Variants in MIS18A observed in about 807,000 individuals in gnomAD.
The protein encoded by MIS18A is protein Mis18-alpha.
Under a neutral mutation model 25.0 loss-of-function variants are expected in MIS18A, and 14 were observed. The ratio of observed to expected loss-of-function variants is 0.56; its 90% CI spans 0.37 to 0.88. The LOEUF is 0.88. Ranked by LOEUF, MIS18A falls within the 40% of genes least tolerant of loss-of-function variation. MIS18A has a pLI of 0.00. For synonymous variants in MIS18A, 134 were observed against 118.6 expected, an observed-to-expected ratio of 1.13 and a Z score of -0.84; for missense variants, 292 against 290.8, an observed-to-expected ratio of 1.00 and a Z score of -0.03.
the MIS18A span, among the ~76,000 whole-genome samples, chr21:32,233,666 G>A: frequency 6.6e-6 from 1 of 152,270 alleles, no homozygotes; most frequent in African/African-American, 2.4e-5. Flanking sequence ...CCTGGGAGCT[G>A]TAATTCGTTT....
chr21:32,190,953 C>T, the MIS18A span, among the ~76,000 whole-genome samples: 1 of 152,154 alleles, frequency 6.6e-6, no homozygotes, highest in Non-Finnish European at 1.5e-5. Context: ...CCACCTGTGC[C>T]CACATCCTGT....
At chr21:32,155,970 T>C in the MIS18A span, among the ~76,000 whole-genome samples, 1 of 152,192 alleles carries the variant, frequency 6.6e-6, no homozygotes, top group African/African-American at 2.4e-5. Context: ...AAACTATTAT[T>C]GAACTTATGC....
the MIS18A span, among the ~76,000 whole-genome samples, chr21:32,201,899 C>G: frequency 6.6e-6 from 1 of 152,064 alleles, no homozygotes; most frequent in Non-Finnish European, 1.5e-5. Context: ...TTTGCGTTAC[C>G]TTTCTTAAAT....
At chr21:32,232,118 T>A in the MIS18A span, among the ~76,000 whole-genome samples, 1 of 152,200 alleles carries the variant, frequency 6.6e-6, no homozygotes, top group African/African-American at 2.4e-5. Flanking sequence ...CTGTGGTATG[T>A]ACATGTATGT....
At chr21:32,165,976 G>A in the MIS18A span, among the ~76,000 whole-genome samples, 1 of 152,144 alleles carries the variant, frequency 6.6e-6, no homozygotes, top group Non-Finnish European at 1.5e-5. Context: ...CTCCTGCAAA[G>A]CTGATATTAA....
chr21:32,196,512 G>A, the MIS18A span, among the ~76,000 whole-genome samples: 1 of 149,836 alleles, frequency 6.7e-6, no homozygotes, highest in African/African-American at 2.5e-5. Context: ...CCAGGCTGGA[G>A]TGCAGTGGCA....
the MIS18A span, among the ~76,000 whole-genome samples, chr21:32,235,461 C>G: frequency 6.6e-6 from 1 of 152,170 alleles, no homozygotes; most frequent in Non-Finnish European, 1.5e-5. Context: ...TTTCAATAAA[C>G]CCAGTGCATC....
the MIS18A span, among the ~76,000 whole-genome samples, chr21:32,194,382 A>G: frequency 6.6e-6 from 1 of 152,280 alleles, no homozygotes; most frequent in Non-Finnish European, 1.5e-5. Flanking sequence ...GATATAGGCC[A>G]GGCATGGTGG....
chr21:32,224,296 G>A, the MIS18A span, among the ~76,000 whole-genome samples: 1 of 147,580 alleles, frequency 6.8e-6, no homozygotes, highest in Admixed American at 6.7e-5. Flanking sequence ...GGCAGGAGAA[G>A]GAAATAAAAG....
chr21:32,163,299 C>T, the MIS18A span, among the ~76,000 whole-genome samples: 2 of 152,314 alleles, frequency 1.3e-5, no homozygotes, highest in Non-Finnish European at 2.9e-5. Context: ...GATACATTTA[C>T]AAGCAAATTG....
chr21:32,208,735 G>C, the MIS18A span, among the ~76,000 whole-genome samples: 1 of 152,142 alleles, frequency 6.6e-6, no homozygotes, highest in Non-Finnish European at 1.5e-5. Flanking sequence ...CAGGAGCTTT[G>C]GCCTTCTAGT....
chr21:32,265,536 G>A (rs577546481), downstream of MIS18A, among the ~76,000 whole-genome samples: 3 of 152,242 alleles, frequency 2.0e-5, no homozygotes, highest in African/African-American at 7.2e-5. Context: ...GCGCTGTGCT[G>A]GATTTCTCGC....
At chr21:32,237,200 C>T in the MIS18A span, among the ~76,000 whole-genome samples, 1 of 152,164 alleles carries the variant, frequency 6.6e-6, no homozygotes, top group Non-Finnish European at 1.5e-5. Context: ...CAGCAATGTT[C>T]CAGACAGGCT....
downstream of MIS18A, among the ~76,000 whole-genome samples, chr21:32,267,200 A>T (rs1393479550): frequency 6.6e-6 from 1 of 152,256 alleles, no homozygotes; most frequent in Non-Finnish European, 1.5e-5. Context: ...CCCTTCAGGG[A>T]TGCCACAGGT....
downstream of MIS18A, among the ~76,000 whole-genome samples, chr21:32,263,810 T>A (rs557365249): frequency 5.3e-5 from 8 of 150,368 alleles, no homozygotes; most frequent in Non-Finnish European, 1.2e-4. Context: ...AAGCCTTCTT[T>A]TTTTTTTTTT....
chr21:32,258,731 G>A, the MIS18A span, among the ~76,000 whole-genome samples: 1 of 152,274 alleles, frequency 6.6e-6, no homozygotes, highest in Admixed American at 6.5e-5. Context: ...TGTCCCCTAA[G>A]TCAGCTCGTG....
the MIS18A span, among the ~76,000 whole-genome samples, chr21:32,192,717 A>T: frequency 3.3e-5 from 5 of 152,202 alleles, no homozygotes; most frequent in Non-Finnish European, 7.3e-5. Context: ...CCCCCTCTAC[A>T]TCTCAGGTGC....
chr21:32,155,521 A>G, the MIS18A span, among the ~76,000 whole-genome samples: 6 of 152,222 alleles, frequency 3.9e-5, no homozygotes, highest in African/African-American at 1.4e-4. Flanking sequence ...AATAACAGTT[A>G]TAGTTTGACA....
chr21:32,277,065 TTAAAC>T (rs1462683091), intron 1 of MIS18A, among the ~76,000 whole-genome samples: 1 of 152,148 alleles, frequency 6.6e-6, no homozygotes, highest in Non-Finnish European at 1.5e-5. Context: ...ATGAAAATAA[TTAAAC>T]TAATTCAAAT....
Sources: allele counts gnomAD v4.1 joint callset (sites outside exome capture counted in the v4.1 genomes callset), GRCh38; gene constraint gnomAD v4.1.1; transcripts MANE v1.5; gene names NCBI Gene and HGNC (gene_info 2026-07-23, HGNC 2026-07-21).